RELN: variants seen among roughly 807,000 people sequenced by gnomAD.
The protein encoded by RELN is reelin.
In RELN, 108 loss-of-function variants were observed where a neutral mutation model predicts 427.6. The observed-to-expected ratio is 0.25, with a 90% CI of 0.22 to 0.30. The LOEUF (loss-of-function observed/expected upper bound fraction) is 0.30, where lower values mean the gene tolerates loss of function less well. Among genes scored for constraint, RELN ranks in the 10% least tolerant of loss-of-function variants. The pLI, the probability that RELN is intolerant of heterozygous loss-of-function variation, is 1.00. For synonymous variants in RELN, 1,524 were observed against 1,513.4 expected (o/e 1.01, Z -0.16); for missense variants, 3,715 against 4,302.8 (o/e 0.86, Z 3.82).
intron 51 of RELN, 133 bp from the exon 52 acceptor site, chr7:103,503,363 TTATTTGTTC>T: frequency 3.8e-6 from 3 of 783,914 alleles, no homozygotes; most frequent in Non-Finnish European, 6.5e-6. Context: ...TTCAGATTCA[TTATTTGTTC>T]TGCTAATGGA....
At chr7:103,821,722 G>C (rs894198830) in intron 3 of RELN, among the ~76,000 whole-genome samples, 1 of 152,036 alleles carries the variant, frequency 6.6e-6, no homozygotes, top group Non-Finnish European at 1.5e-5. Flanking sequence ...TATTTACTTA[G>C]GTTAAAACCA....
At chr7:103,916,612 A>C (rs745354186) in intron 2 of RELN, among the ~76,000 whole-genome samples, 7 of 152,188 alleles carry the variant, frequency 4.6e-5, no homozygotes, top group Non-Finnish European at 5.9e-5. Context: ...TTCTTCTAAG[A>C]ATACTCATAG....
intron 2 of RELN, among the ~76,000 whole-genome samples, chr7:103,848,656 G>A (rs968106924): frequency 2.6e-5 from 4 of 152,094 alleles, no homozygotes; most frequent in African/African-American, 9.7e-5. Flanking sequence ...TAGGTGACAC[G>A]CCTTCACCCC....
intron 5 of RELN, 135 bp from the exon 6 acceptor site, chr7:103,749,639 T>C: frequency 5.7e-6 from 4 of 705,080 alleles, no homozygotes; most frequent in South Asian, 4.8e-5. Flanking sequence ...GTTGATTATA[T>C]TTGCTTTGTC....
intron 20 of RELN, among the ~76,000 whole-genome samples, chr7:103,625,611 A>G (rs566500945): frequency 2.0e-5 from 3 of 152,274 alleles, no homozygotes; most frequent in South Asian, 4.1e-4. Flanking sequence ...AATCTTTACG[A>G]CAATTTTGAG....
chr7:103,691,770 GA>G (rs1256812504), intron 10 of RELN, among the ~76,000 whole-genome samples: 2 of 152,080 alleles, frequency 1.3e-5, no homozygotes, highest in African/African-American at 2.4e-5. Flanking sequence ...ACGAGATCAT[GA>G]CACTGCACAC....
chr7:103,772,090 T>C (rs564530300), intron 4 of RELN, among the ~76,000 whole-genome samples: 2 of 152,348 alleles, frequency 1.3e-5, no homozygotes, highest in African/African-American at 4.8e-5. Context: ...AATGAATTAC[T>C]GGCTAGCCTC....
intron 2 of RELN, among the ~76,000 whole-genome samples, chr7:103,914,305 T>C (rs1461253961): frequency 1.3e-5 from 2 of 152,006 alleles, no homozygotes; most frequent in Non-Finnish European, 2.9e-5. Context: ...GTAAAGGAAC[T>C]GACAAATGAC....
chr7:103,742,011 C>T (rs1472827807), intron 6 of RELN, among the ~76,000 whole-genome samples: 3 of 152,110 alleles, frequency 2.0e-5, no homozygotes, highest in Non-Finnish European at 2.9e-5. Flanking sequence ...CTGGGAGGCA[C>T]CCCCCAGTAG....
chr7:103,482,725 C>T (rs1828285613), intron 63 of RELN, 148 bp downstream of exon 63: 1 of 1,513,692 alleles, frequency 6.6e-7, no homozygotes, highest in Non-Finnish European at 8.9e-7. Context: ...TGAGCTATAG[C>T]TTGCAGTTGC....
At chr7:103,558,954 T>G (rs546656421) in intron 36 of RELN, among the ~76,000 whole-genome samples, 82 of 152,328 alleles carry the variant, frequency 5.4e-4, no homozygotes, top group African/African-American at 1.3e-3. Context: ...CTCTTCTTCA[T>G]CATATACATT....
chr7:103,685,105 A>G (rs1333334242), intron 10 of RELN, among the ~76,000 whole-genome samples: 2 of 152,154 alleles, frequency 1.3e-5, no homozygotes, highest in African/African-American at 2.4e-5. Flanking sequence ...AAAACAGGAA[A>G]ACTTAATGCA....
intron 2 of RELN, among the ~76,000 whole-genome samples, chr7:103,891,476 C>T (rs1021705531): frequency 1.3e-5 from 2 of 152,060 alleles, no homozygotes; most frequent in Non-Finnish European, 2.9e-5. Context: ...CTAGCATAAC[C>T]CCTACTATAA....
chr7:103,698,267 A>G (rs1423226183), intron 9 of RELN, among the ~76,000 whole-genome samples, 174 bp from the exon 10 acceptor site: 1 of 152,176 alleles, frequency 6.6e-6, no homozygotes, highest in Non-Finnish European at 1.5e-5. Context: ...GACTATTAAG[A>G]TTTTCATATT....
intron 17 of RELN, among the ~76,000 whole-genome samples, chr7:103,639,241 T>C (rs1255628939): frequency 6.6e-6 from 1 of 152,150 alleles, no homozygotes; most frequent in African/African-American, 2.4e-5. Flanking sequence ...TGGAAGCTTT[T>C]CAATTCTTCA....
chr7:103,928,815 T>C (rs1795799715), intron 1 of RELN, among the ~76,000 whole-genome samples: 1 of 135,662 alleles, frequency 7.4e-6, no homozygotes, highest in Admixed American at 7.5e-5. Flanking sequence ...TTGCAGGGGA[T>C]TTTGGGTGAG....
intron 20 of RELN, among the ~76,000 whole-genome samples, chr7:103,612,943 A>C (rs1831995149): frequency 2.0e-5 from 3 of 152,318 alleles, no homozygotes; most frequent in Admixed American, 6.5e-5. Context: ...ATCACACTAA[A>C]GTTTGTCCAT....
chr7:103,646,299 C>A (rs200974436), intron 16 of RELN, among the ~76,000 whole-genome samples: 27 of 150,782 alleles, frequency 1.8e-4, no homozygotes, highest in Non-Finnish European at 2.7e-4. Context: ...AAATAGAGAT[C>A]AAAAAAAATT....
chr7:103,961,648 T>C (rs1156331881), intron 1 of RELN, among the ~76,000 whole-genome samples: 2 of 152,180 alleles, frequency 1.3e-5, no homozygotes, highest in Non-Finnish European at 2.9e-5. Flanking sequence ...GGATTGTGAG[T>C]CTAGGCTTTA....
Sources: gnomAD v4.1 joint callset for allele counts (sites outside exome capture counted in the v4.1 genomes callset) on GRCh38, gnomAD v4.1.1 for gene constraint, MANE v1.5 for transcripts, NCBI Gene and HGNC (gene_info 2026-07-23, HGNC 2026-07-21) for gene names.